Variants in KAZN observed in about 807,000 individuals in gnomAD.
The protein encoded by KAZN is kazrin.
Under a neutral mutation model 87.4 loss-of-function variants are expected in KAZN, and 40 were observed. That is an observed-to-expected ratio of 0.46 (90% CI 0.36 to 0.60). The LOEUF (loss-of-function observed/expected upper bound fraction) is 0.60, where lower values mean the gene tolerates loss of function less well. KAZN is among the 20% of genes least tolerant of loss of function. KAZN has a pLI of 0.00. For missense variants in KAZN, 898 were observed against 1,073.9 expected, an observed-to-expected ratio of 0.84 and a Z score of 2.29; for synonymous variants, 466 against 458.3, an observed-to-expected ratio of 1.02 and a Z score of -0.22.
At position 14,511,680 on chromosome 1, in the gene KAZN, T is replaced by C. The variant is rs186935838; in HGVS notation, c.250-87303T>C. 2.9e-3 allele frequency among the ~76,000 whole-genome samples: 446 copies of C among 152,338 alleles called. 1 individual carries two copies. Among genetic ancestry groups the C allele is most frequent in the South Asian group, 0.015 (72 of 4,830 alleles). Reference sequence around the variant, plus strand: ...GATTTTCAAACCTGGTAGGTGCTTATGCAACCATGTCAGGCTAAGGGACTG... The same window carrying C: ...GATTTTCAAACCTGGTAGGTGCTTACGCAACCATGTCAGGCTAAGGGACTG... On this transcript the variant is annotated intron_variant, in intron 2 of 16. Transcript: ENST00000636203.
chr1:14,883,339 A>AGAGGGAGGGAGGGAGG (rs1572721614), intron 1 of KAZN, among the ~76,000 whole-genome samples: 1 of 41,596 alleles, frequency 2.4e-5, no homozygotes, highest in African/African-American at 6.1e-5. Context: ...AGAGAGAGAG[A>AGAGGGAGGGAGGGAGG]GAGAAAGAAA....
chr1:14,793,970 C>A (rs1407929594), intron 1 of KAZN, among the ~76,000 whole-genome samples: 7 of 152,180 alleles, frequency 4.6e-5, no homozygotes, highest in Admixed American at 4.6e-4. Flanking sequence ...AAATTAAAAA[C>A]CAGATTGGTT....
chr1:13,909,100 A>G (rs1639554816), intron 1 of KAZN, among the ~76,000 whole-genome samples: 1 of 152,184 alleles, frequency 6.6e-6, no homozygotes, highest in Admixed American at 6.5e-5. Context: ...GGGCATTGGC[A>G]GGGGGCATTT....
chr1:14,156,964 G>T lies in KAZN; in HGVS notation c.92-23471G>T, dbSNP rs529093548. On this transcript the variant is annotated intron_variant, in intron 1 of 16. Coordinates refer to the KAZN transcript ENST00000636203. ...TTGGTGAAGGTGATGTTTCTTTGGTGATATGATTTCATTTTTTGCTTTTTA... is the reference window on the plus strand; with the variant it reads ...TTGGTGAAGGTGATGTTTCTTTGGTTATATGATTTCATTTTTTGCTTTTTA... Among the ~76,000 whole-genome samples, 4 of 147,832 alleles carry T rather than the reference G, an allele frequency of 2.7e-5. No homozygotes were observed. In the East Asian group the frequency reaches 7.9e-4, roughly 29 times the overall value.
chr1:14,669,519 G>A (rs141137594), intron 1 of KAZN, among the ~76,000 whole-genome samples: 34 of 152,294 alleles, frequency 2.2e-4, no homozygotes, highest in African/African-American at 8.2e-4. Flanking sequence ...TGAGCGGGGA[G>A]GATTGTTTGA....
intron 1 of KAZN, among the ~76,000 whole-genome samples, chr1:14,830,469 G>T (rs1024754029): frequency 1.8e-4 from 28 of 152,180 alleles, no homozygotes; most frequent in African/African-American, 6.5e-4. Context: ...GAGAGAAGGG[G>T]CGTATTAGTC....
At chr1:14,138,596 G>T (rs563789979) in intron 1 of KAZN, among the ~76,000 whole-genome samples, 7 of 152,206 alleles carry the variant, frequency 4.6e-5, no homozygotes, top group Non-Finnish European at 1.0e-4. Context: ...GGACATCTCC[G>T]CATTGTTGGA....
intron 1 of KAZN, among the ~76,000 whole-genome samples, chr1:14,068,326 T>C (rs1032483315): frequency 4.6e-5 from 7 of 152,218 alleles, no homozygotes; most frequent in African/African-American, 9.6e-5. Context: ...TTAAATGTTA[T>C]TGATGCTTGC....
In KAZN at chr1:14,651,940, A is replaced by G. The variant is rs143897966; in HGVS notation, c.226+52717A>G. Among the ~76,000 whole-genome samples, 7 of 152,354 alleles carry G rather than the reference A, an allele frequency of 4.6e-5. No individual in the cohort carries two copies. The East Asian group carries it at 1.3e-3, about 29-fold the overall frequency. On this transcript the variant is annotated intron_variant, in intron 1 of 14. Transcript: ENST00000376030. ...CCCACACAATCCTTTTGGGATGGAA[A>G]TAGTCCCTGTAAGGGGAAAATCATT...
rs1653614527 is a variant in KAZN, at chr1:14,290,678, G to A, written c.249+110086G>A. ...TACCGACCTTGTGAAGCCTACTTCTGTCAGCTTGTCAAAGTCATTCTCCGT... is the reference window on the plus strand; with the variant it reads ...TACCGACCTTGTGAAGCCTACTTCTATCAGCTTGTCAAAGTCATTCTCCGT... On this transcript the variant is annotated intron_variant, in intron 2 of 16. Coordinates refer to the KAZN transcript ENST00000636203. 2.0e-5 allele frequency among the ~76,000 whole-genome samples: 3 copies of A among 152,258 alleles called. No homozygotes were observed. In the South Asian group the frequency reaches 6.2e-4, roughly 32 times the overall value.
rs116350149 is a variant in KAZN at position 14,151,613 on chromosome 1, T to C, written c.92-28822T>C. ...AAACATGATTCCTCTCATCATGGAA[T>C]TTCTAGTCTAGTGAACAAATCAACA... is the stretch of plus-strand genomic sequence containing the variant. On this transcript the variant is annotated intron_variant, in intron 1 of 16. Transcript: ENST00000636203. 8.2e-3 allele frequency among the ~76,000 whole-genome samples: 1,249 copies of C among 152,326 alleles called. 15 individuals carry two copies. Among genetic ancestry groups the C allele is most frequent in the Non-Finnish European group, 9.3e-3 (632 of 68,020 alleles).
At chr1:14,318,953 T>C (rs1295381230) in intron 2 of KAZN, among the ~76,000 whole-genome samples, 1 of 151,806 alleles carries the variant, frequency 6.6e-6, no homozygotes, top group Admixed American at 6.6e-5. Flanking sequence ...ACTTTTAAAA[T>C]CTTTGCTAAT....
At chr1:14,764,388 C>CA (rs1388562154) in intron 1 of KAZN, among the ~76,000 whole-genome samples, 1 of 143,566 alleles carries the variant, frequency 7.0e-6, no homozygotes, top group Non-Finnish European at 1.5e-5. Flanking sequence ...TCCCCCACAC[C>CA]CCCCCCACAA....
intron 1 of KAZN, among the ~76,000 whole-genome samples, chr1:14,639,033 T>G (rs1168913342): frequency 6.6e-6 from 1 of 152,196 alleles, no homozygotes; most frequent in Non-Finnish European, 1.5e-5. Context: ...CCATACACAA[T>G]GGGCTGCAGC....
In KAZN at chr1:14,362,512, G is replaced by A. The variant is rs148200055; in HGVS notation, c.249+181920G>A. The stretch of plus-strand genomic sequence containing the variant: ...CCACAGGTCCTGCCTATGCTCAAAG[G>A]CAGGGGATCAGACATGAGGATGAAT... On this transcript the variant is annotated intron_variant, in intron 2 of 16. Coordinates refer to the KAZN transcript ENST00000636203. 5.3e-5 allele frequency among the ~76,000 whole-genome samples: 8 copies of A among 152,272 alleles called. No homozygotes were observed. In the East Asian group the frequency reaches 1.5e-3, roughly 29 times the overall value.
intron 13 of KAZN, 84 bp downstream of exon 13, chr1:15,104,273 A>G (rs1641217732): frequency 1.5e-6 from 2 of 1,315,826 alleles, no homozygotes; most frequent in Admixed American, 2.7e-5. Flanking sequence ...CCAGCTCCCC[A>G]TCCTGGCCCA....
At chr1:14,104,585 T>G (rs1469040429) in intron 1 of KAZN, among the ~76,000 whole-genome samples, 1 of 152,230 alleles carries the variant, frequency 6.6e-6, no homozygotes, top group Non-Finnish European at 1.5e-5. Flanking sequence ...CTTTGGCTAC[T>G]TTGTGGCCAA....
chr1:14,148,881 G>T, intron 1 of KAZN, among the ~76,000 whole-genome samples: 1 of 152,144 alleles, frequency 6.6e-6, no homozygotes, highest in East Asian at 1.9e-4. Flanking sequence ...TTCATTGTAT[G>T]TGTTTGACAA....
chr1:14,465,746 C>G (rs1200562974), intron 2 of KAZN, among the ~76,000 whole-genome samples: 1 of 152,162 alleles, frequency 6.6e-6, no homozygotes, highest in Admixed American at 6.5e-5. Flanking sequence ...CACTTTACGA[C>G]ATGTCAGTTA....
Sources: gnomAD v4.1 joint callset for allele counts (sites outside exome capture counted in the v4.1 genomes callset) on GRCh38, gnomAD v4.1.1 for gene constraint, MANE v1.5 for transcripts, NCBI Gene and HGNC (gene_info 2026-07-23, HGNC 2026-07-21) for gene names.